LRRC4C: variants seen among roughly 807,000 people sequenced by gnomAD.
LRRC4C encodes leucine-rich repeat-containing protein 4C.
A neutral mutation model predicts 33.6 loss-of-function variants in LRRC4C; 5 were observed. That is an observed-to-expected ratio of 0.15 (90% confidence interval 0.08 to 0.31). The LOEUF (loss-of-function observed/expected upper bound fraction) is 0.31, where lower values mean the gene tolerates loss of function less well. Among genes scored for constraint, LRRC4C ranks in the 10% least tolerant of loss-of-function variants. LRRC4C has a pLI of 1.00. For missense variants in LRRC4C, 560 were observed against 796.7 expected, an observed-to-expected ratio of 0.70 and a Z score of 3.58; for synonymous variants, 329 against 302.0, an observed-to-expected ratio of 1.09 and a Z score of -0.93.
At chr11:41,294,483 G>T (rs1278325224) in intron 1 of LRRC4C, among the ~76,000 whole-genome samples, 2 of 152,098 alleles carry the variant, frequency 1.3e-5, no homozygotes, top group Non-Finnish European at 2.9e-5. Context: ...GTATACATGA[G>T]TAATTGAATA....
At chr11:40,543,838 ATT>A (rs527624107) in intron 3 of LRRC4C, among the ~76,000 whole-genome samples, 1 of 151,814 alleles carries the variant, frequency 6.6e-6, no homozygotes, top group Non-Finnish European at 1.5e-5. Context: ...GAGGACTACC[ATT>A]TTTTTTGTAT....
chr11:40,864,488 G>A (rs1263283896), intron 2 of LRRC4C, among the ~76,000 whole-genome samples: 6 of 152,202 alleles, frequency 3.9e-5, no homozygotes, highest in Admixed American at 2.6e-4. Flanking sequence ...GAGTAGTTGA[G>A]ACAGAGAACA....
At chr11:40,688,960 T>A (rs1465240040) in intron 2 of LRRC4C, among the ~76,000 whole-genome samples, 1 of 152,210 alleles carries the variant, frequency 6.6e-6, no homozygotes, top group South Asian at 2.1e-4. Flanking sequence ...GAGAATGATA[T>A]TCTAGCTTTG....
intron 3 of LRRC4C, among the ~76,000 whole-genome samples, chr11:40,645,002 G>A (rs1482510186): frequency 1.3e-5 from 2 of 151,396 alleles, no homozygotes; most frequent in Non-Finnish European, 2.9e-5. Flanking sequence ...CTAAAAAGTT[G>A]AATTAAAAAT....
intron 1 of LRRC4C, among the ~76,000 whole-genome samples, chr11:41,090,953 T>G (rs574794202): frequency 0.012 from 1,824 of 152,180 alleles, 23 homozygotes; most frequent in Non-Finnish European, 0.021. Flanking sequence ...AGGCAGTTCT[T>G]TATAGCATTG....
At chr11:40,468,531 C>A (rs1210146130) in intron 3 of LRRC4C, among the ~76,000 whole-genome samples, 1 of 151,534 alleles carries the variant, frequency 6.6e-6, no homozygotes, top group African/African-American at 2.4e-5. Flanking sequence ...GATCAAACAA[C>A]TGGGCTTATA....
chr11:40,683,368 T>A (rs1455366018), intron 2 of LRRC4C, among the ~76,000 whole-genome samples: 1 of 152,178 alleles, frequency 6.6e-6, no homozygotes, highest in Non-Finnish European at 1.5e-5. Flanking sequence ...AGTATTGAAA[T>A]AGGGACTGTT....
chr11:40,364,221 A>T (rs1328198674), intron 3 of LRRC4C, among the ~76,000 whole-genome samples: 1 of 152,168 alleles, frequency 6.6e-6, no homozygotes, highest in Non-Finnish European at 1.5e-5. Flanking sequence ...TATGCAAAGA[A>T]ACTGAAGAAA....
chr11:40,343,849 G>T (rs1261612592), intron 3 of LRRC4C, among the ~76,000 whole-genome samples: 1 of 151,796 alleles, frequency 6.6e-6, no homozygotes, highest in Non-Finnish European at 1.5e-5. Flanking sequence ...ATACAAAAAG[G>T]TCTCAGAGAC....
chr11:40,745,637 T>A (rs947237709), intron 2 of LRRC4C, among the ~76,000 whole-genome samples: 11 of 152,112 alleles, frequency 7.2e-5, no homozygotes, highest in Non-Finnish European at 1.5e-4. Flanking sequence ...TTTGCTAAAT[T>A]TTTTTCCACA....
At chr11:40,959,226 A>G (rs528976737) in intron 1 of LRRC4C, among the ~76,000 whole-genome samples, 6 of 151,824 alleles carry the variant, frequency 4.0e-5, no homozygotes, top group South Asian at 2.1e-4. Flanking sequence ...TATACCATCA[A>G]TAAAGAAACA....
At chr11:41,082,137 A>G (rs1590479273) in intron 1 of LRRC4C, among the ~76,000 whole-genome samples, 1 of 152,122 alleles carries the variant, frequency 6.6e-6, no homozygotes, top group Non-Finnish European at 1.5e-5. Context: ...ACCTTAAATC[A>G]GTTCCCAGGA....
intron 3 of LRRC4C, among the ~76,000 whole-genome samples, chr11:40,464,512 A>T (rs931332738): frequency 2.0e-5 from 3 of 152,084 alleles, no homozygotes; most frequent in Admixed American, 2.0e-4. Flanking sequence ...AAGGCATTCA[A>T]ATTGGAAAAG....
chr11:40,249,938 C>T (rs1251161619), intron 4 of LRRC4C, among the ~76,000 whole-genome samples: 2 of 151,638 alleles, frequency 1.3e-5, no homozygotes, highest in African/African-American at 4.8e-5. Context: ...AATAAAATTT[C>T]AGGACCCTCT....
chr11:40,734,842 G>T (rs1947774590), intron 2 of LRRC4C, among the ~76,000 whole-genome samples: 1 of 152,132 alleles, frequency 6.6e-6, no homozygotes, highest in Admixed American at 6.5e-5. Flanking sequence ...ATTTTAGGGT[G>T]TGTCTGTGAG....
At chr11:41,407,214 T>C (rs767166612) in intron 1 of LRRC4C, among the ~76,000 whole-genome samples, 72 of 152,040 alleles carry the variant, frequency 4.7e-4, no homozygotes, top group Non-Finnish European at 9.0e-4. Context: ...CAGAGAATAC[T>C]AGCAACTTGT....
intron 3 of LRRC4C, among the ~76,000 whole-genome samples, chr11:40,519,642 G>A (rs781434141): frequency 1.3e-5 from 2 of 152,100 alleles, no homozygotes; most frequent in Non-Finnish European, 2.9e-5. Flanking sequence ...TTAGCAATAG[G>A]CTGTTTTGCT....
chr11:41,304,348 G>T lies in LRRC4C; in HGVS notation c.-496+155083C>A, dbSNP rs1291526091. On this transcript the variant is annotated intron_variant, in intron 1 of 6. Coordinates refer to ENST00000528697, the MANE Select transcript of LRRC4C (RefSeq NM_001258419.2). ...CAGCCGCCCCGTCCGGGAGGGAGGT[G>T]GGGGGGTCAGCCCTCCGCCCGGCCA... Among the ~76,000 whole-genome samples the T allele has an allele frequency of 6.5e-3, 670 of 103,510 alleles. 3 individuals carry two copies. The highest frequency in any genetic ancestry group is 0.025 in the African/African-American group (622 of 25,358). 67.9% of individuals were successfully genotyped at this position (103,510 alleles called of 152,430 possible).
intron 3 of LRRC4C, among the ~76,000 whole-genome samples, chr11:40,366,042 C>T (rs2137214976): frequency 6.6e-6 from 1 of 152,088 alleles, no homozygotes; most frequent in South Asian, 2.1e-4. Flanking sequence ...ACATAACCAA[C>T]TATCTCTATT....
Sources: allele counts gnomAD v4.1 joint callset (sites outside exome capture counted in the v4.1 genomes callset), GRCh38; gene constraint gnomAD v4.1.1; transcripts MANE v1.5; gene names NCBI Gene and HGNC (gene_info 2026-07-23, HGNC 2026-07-21).